COL8A2: variants seen among roughly 807,000 people sequenced by gnomAD.
COL8A2 encodes the protein collagen alpha-2(VIII) chain.
COL8A2 carries 16 observed loss-of-function variants against 24.0 expected under a neutral mutation model. The observed-to-expected ratio is 0.67, with a 90% confidence interval of 0.45 to 1.01. COL8A2 has a LOEUF of 1.01. Ranked by LOEUF, COL8A2 falls within the 50% of genes least tolerant of loss-of-function variation. The probability of loss-of-function intolerance (pLI) is 0.00; values close to 1 mark genes in which losing one functional copy is unlikely to be tolerated. For synonymous variants in COL8A2, 466 were observed against 424.5 expected, an observed-to-expected ratio of 1.10 and a Z score of -1.20; for missense variants, 818 against 942.4, an observed-to-expected ratio of 0.87 and a Z score of 1.73.
chr1:36,099,164 C>A lies in COL8A2; in HGVS notation c.517G>T (p.Gly173Ter). 6.7e-7 allele frequency: 1 copy of A among 1,497,648 alleles called. No individual in the cohort carries two copies. The highest frequency in any genetic ancestry group is 2.4e-5 in the East Asian group (1 of 41,586). The allele number at this position is 1,497,648 out of a possible 1,614,324, so 92.8% of individuals were successfully genotyped here. The part of the protein sequence containing the change: ...LPGPSGITIP[G>*]KPGAQGVPGP... ...GGCACCCCTTGGGCACCTGGTTTTC[C>A]AGGGATAGTAATGCCTGAGGGGCCC... The change falls in exon 4 of 4, where the codon GGA (glycine) becomes TGA (stop). Residue 173 changes from glycine to a stop codon, truncating the protein, a stop_gained. Coordinates refer to ENST00000397799, the MANE Select transcript of COL8A2 (RefSeq NM_005202.4). LOFTEE classifies it low-confidence loss of function (END_TRUNC).
chr1:36,121,724 A>AG (rs933831111), intron 1 of COL8A2, among the ~76,000 whole-genome samples: 2 of 151,362 alleles, frequency 1.3e-5, no homozygotes, highest in Admixed American at 6.6e-5. Flanking sequence ...AATTAAAAAA[A>AG]AAAGAAAGAA....
chr1:36,097,986 C>T lies in COL8A2; in HGVS notation c.1695G>A (p.Gly565=), dbSNP rs775106556. 6.2e-7 allele frequency: 1 copy of T among 1,604,904 alleles called. No homozygotes were observed. ...VLGKGGKPQF[G]LGELSAHATP... ...TGGCATGGGCAGACAGCTCGCCCAG[C>T]CCAAACTGTGGCTTGCCCCCCTTGC... The change falls in exon 4 of 4, where the codon GGG becomes GGA. Residue 565 remains glycine (G), a synonymous_variant. Transcript: ENST00000397799.
At chr1:36,120,104 A>G (rs768852552) in intron 1 of COL8A2, among the ~76,000 whole-genome samples, 19 of 152,042 alleles carry the variant, frequency 1.2e-4, no homozygotes, top group Non-Finnish European at 2.4e-4. Flanking sequence ...TCTGGGTCTG[A>G]CCTTCTCATG....
At position 36,115,374 on chromosome 1, in the gene COL8A2, A is replaced by G. The variant is rs985149248; in HGVS notation, c.-17+334T>C. 5.9e-5 allele frequency among the ~76,000 whole-genome samples: 9 copies of G among 152,236 alleles called. No individual in the cohort carries two copies. The highest frequency in any genetic ancestry group is 7.4e-5 in the Non-Finnish European group (5 of 67,994). Reference sequence around the variant, plus strand: ...GGCTACCCTGCGTGGTGGCGGCAGCAGCGGCAGCAGGAGGGGCTGGGCTGG... The same window carrying G: ...GGCTACCCTGCGTGGTGGCGGCAGCGGCGGCAGCAGGAGGGGCTGGGCTGG... On this transcript the variant is annotated intron_variant, in intron 2 of 3. Coordinates refer to ENST00000397799, the MANE Select transcript of COL8A2 (RefSeq NM_005202.4). This position sits in a 1 kb window ranked among gnomAD's most constrained non-coding sequence, Gnocchi z 5.7.
chr1:36,098,614 A>G lies in COL8A2; in HGVS notation c.1067T>C (p.Leu356Pro). The G allele has an allele frequency of 6.2e-7, 1 of 1,611,460 alleles. No individual in the cohort carries two copies. The highest frequency in any genetic ancestry group is 8.5e-7 in the Non-Finnish European group (1 of 1,179,418). ...CCCAGGAAGTCCAGGGGGACCCCCAAGACCCTGTGGGCCCTGCTCCCCTGG... is the reference window on the plus strand; with the variant it reads ...CCCAGGAAGTCCAGGGGGACCCCCAGGACCCTGTGGGCCCTGCTCCCCTGG... ...GEPGEQGPQG[L>P]GGPPGLPGSA... Residue 356 changes from leucine (L) to proline (P), a missense_variant, in exon 4 of 4, where the codon CTT (leucine) becomes CCT (proline). Leu to Pro is a moderately conservative substitution (Grantham distance 98). This residue lies in a region of COL8A2 where 573 missense variants were observed against 616.8 expected (regional missense o/e 0.93). Transcript: ENST00000397799.
chr1:36,097,503 G>T lies in COL8A2; in HGVS notation c.*66C>A. The T allele has an allele frequency of 7.7e-7, 1 of 1,298,270 alleles. No individual in the cohort carries two copies. Among genetic ancestry groups the T allele is most frequent in the African/African-American group, 1.5e-5 (1 of 67,320 alleles). 80.4% of individuals were successfully genotyped at this position (1,298,270 alleles called of 1,614,324 possible). On this transcript the variant is annotated 3_prime_UTR_variant, in exon 4 of 4. Coordinates refer to ENST00000397799, the MANE Select transcript of COL8A2 (RefSeq NM_005202.4). The stretch of plus-strand genomic sequence containing the variant: ...TGTTTTTTTTTCCAGGAGGTTCTTT[G>T]TAATTGAAAAGGTCGCTCTACCACT...
At position 36,098,630 on chromosome 1, in the gene COL8A2, G is replaced by T; in HGVS notation, c.1051C>A (p.Gln351Lys). 1 of 1,611,008 alleles carries T rather than the reference G, an allele frequency of 6.2e-7. No homozygotes were observed. Among genetic ancestry groups the T allele is most frequent in the East Asian group, 2.2e-5 (1 of 44,832 alleles). The change falls in exon 4 of 4, where the codon CAG (glutamine) becomes AAG (lysine). Residue 351 changes from glutamine (Q) to lysine (K), a missense_variant. Gln to Lys is a moderately conservative substitution (Grantham distance 53). Around this residue, in one of 3 missense-constraint regions of COL8A2, gnomAD observed 573 missense variants for 616.8 expected, o/e 0.93. Transcript: ENST00000397799. ...GGACCCCCAAGACCCTGTGGGCCCT[G>T]CTCCCCTGGCTCCCCATCCTCCCCT... is the stretch of plus-strand genomic sequence containing the variant. ...EPGEDGEPGE[Q>K]GPQGLGGPPG...
chr1:36,095,294 T>C lies in COL8A2; in HGVS notation c.*2275A>G, dbSNP rs1019540279. 2 of 152,206 alleles carry C rather than the reference T, an allele frequency of 1.3e-5. No homozygotes were observed. The highest frequency in any genetic ancestry group is 4.8e-5 in the African/African-American group (2 of 41,442). The allele number at this position is 152,206 out of a possible 1,614,324, so 9.4% of individuals were successfully genotyped here. ...TGTCAATACAGTTAACATGGTTGCT[T>C]GTCTTTTCAAAAAGAAGTTCCATTT... On this transcript the variant is annotated 3_prime_UTR_variant, in exon 4 of 4. Transcript: ENST00000397799.
Position 36,099,302 on chromosome 1 carries a change from G to T in COL8A2, c.379C>A (p.Pro127Thr), listed in dbSNP as rs1452307556. 13 of 1,570,748 alleles carry T rather than the reference G, an allele frequency of 8.3e-6. No homozygotes were observed. The South Asian group carries it at 1.3e-4, about 15-fold the overall frequency. The change falls in exon 4 of 4, where the codon CCC (proline) becomes ACC (threonine). Residue 127 changes from proline to threonine, a missense_variant. This residue lies in a region of COL8A2 where 573 missense variants were observed against 616.8 expected (regional missense o/e 0.93). Coordinates refer to ENST00000397799, the MANE Select transcript of COL8A2 (RefSeq NM_005202.4). ...CCGACCTTGCCAGGGAGCCCTGGGG[G>T]ACCAGCCTTGCCCATCCGGGAGAAG... ...PGFSRMGKAGPPGLPGKVGPP... is the reference protein window; with the variant it reads ...PGFSRMGKAGTPGLPGKVGPP...
intron 2 of COL8A2, among the ~76,000 whole-genome samples, chr1:36,113,880 A>G (rs923293953): frequency 1.3e-5 from 2 of 152,184 alleles, no homozygotes; most frequent in Non-Finnish European, 2.9e-5. Context: ...CAACAGGCCC[A>G]CGGGGGCAGG....
chr1:36,098,539 G>A lies in COL8A2; in HGVS notation c.1142C>T (p.Ala381Val). Residue 381 changes from alanine (A) to valine (V), a missense_variant, in exon 4 of 4, where the codon GCA (alanine) becomes GTA (valine). Ala to Val is a moderately conservative substitution (Grantham distance 64). This residue lies in a region of COL8A2 where 573 missense variants were observed against 616.8 expected (regional missense o/e 0.93). Coordinates refer to ENST00000397799, the MANE Select transcript of COL8A2 (RefSeq NM_005202.4). ...RRGPPGPKGE[A>V]GPGGPPGVPG... Reference sequence around the variant, plus strand: ...CACTCCTGGGGGTCCTCCAGGCCCTGCCTCACCCTTAGGCCCAGGGGGCCC... The same window carrying A: ...CACTCCTGGGGGTCCTCCAGGCCCTACCTCACCCTTAGGCCCAGGGGGCCC... 2 of 1,599,720 alleles carry A rather than the reference G, an allele frequency of 1.3e-6. No homozygotes were observed. Among genetic ancestry groups the A allele is most frequent in the Admixed American group, 1.7e-5 (1 of 58,424 alleles).
In COL8A2 at chr1:36,098,274, A is replaced by T; in HGVS notation, c.1407T>A (p.Gly469=). ...CTTGGGGCCCAATAGGGCCAGCTGG[A>T]CCCTGGAGTCCTGGGATTCCTGAGG... The part of the protein sequence containing the change: ...RGPSGIPGLQ[G]PAGPIGPQGL... The change falls in exon 4 of 4, where the codon GGT becomes GGA. Residue 469 remains glycine, a synonymous_variant. Transcript: ENST00000397799. The T allele has an allele frequency of 6.5e-7, 1 of 1,545,930 alleles. No individual in the cohort carries two copies. Among genetic ancestry groups the T allele is most frequent in the Non-Finnish European group, 8.7e-7 (1 of 1,145,634 alleles).
intron 2 of COL8A2, among the ~76,000 whole-genome samples, chr1:36,108,422 C>T (rs274761): frequency 0.9 from 136,587 of 152,256 alleles, 61,412 homozygotes; most frequent in East Asian, 1. Flanking sequence ...TCTGGTGACC[C>T]CTTGGGAAAT....
intron 2 of COL8A2, among the ~76,000 whole-genome samples, chr1:36,112,506 C>T (rs1643857339): frequency 6.6e-6 from 1 of 152,126 alleles, no homozygotes; most frequent in Non-Finnish European, 1.5e-5. Flanking sequence ...CCTGTGGACT[C>T]TGCCTGCTCT....
At chr1:36,112,838 G>A (rs1010648610) in intron 2 of COL8A2, among the ~76,000 whole-genome samples, 7 of 152,074 alleles carry the variant, frequency 4.6e-5, no homozygotes, top group African/African-American at 1.4e-4. Context: ...GTGGGATAGG[G>A]GCCAACATCT....
intron 2 of COL8A2, among the ~76,000 whole-genome samples, chr1:36,114,946 C>T (rs899760945): frequency 1.3e-5 from 2 of 152,298 alleles, no homozygotes; most frequent in Non-Finnish European, 2.9e-5. Flanking sequence ...CTAGGTTCTC[C>T]GCTGCTTCCC....
Position 36,115,111 on chromosome 1 carries a change from G to A in COL8A2, c.-17+597C>T, listed in dbSNP as rs1471005139. ...AGGCAGCTGGCCCTTCCCCACCCAG[G>A]GGCTCCGGCCTCAGCTGGGGCCGTC... On this transcript the variant is annotated intron_variant, in intron 2 of 3. Coordinates refer to ENST00000397799, the MANE Select transcript of COL8A2 (RefSeq NM_005202.4). This position sits in a 1 kb window ranked among gnomAD's most constrained non-coding sequence, Gnocchi z 5.7. Among the ~76,000 whole-genome samples, 2 of 152,116 alleles carry A rather than the reference G, an allele frequency of 1.3e-5. No individual in the cohort carries two copies. The highest frequency in any genetic ancestry group is 2.9e-5 in the Non-Finnish European group (2 of 68,004).
chr1:36,122,865 C>G (rs1020993045), intron 1 of COL8A2, among the ~76,000 whole-genome samples: 1 of 152,068 alleles, frequency 6.6e-6, no homozygotes, highest in Non-Finnish European at 1.5e-5. Flanking sequence ...TGAGTCCCTC[C>G]CACTCCCCAG....
chr1:36,123,419 C>T lies in COL8A2; in HGVS notation c.-62+1638G>A, dbSNP rs751319612. Among the ~76,000 whole-genome samples the T allele has an allele frequency of 2.6e-5, 4 of 152,244 alleles. No individual in the cohort carries two copies. Among genetic ancestry groups the T allele is most frequent in the Non-Finnish European group, 5.9e-5 (4 of 68,050 alleles). On this transcript the variant is annotated intron_variant, in intron 1 of 3. Coordinates refer to ENST00000397799, the MANE Select transcript of COL8A2 (RefSeq NM_005202.4). This position sits in a 1 kb window ranked among gnomAD's most constrained non-coding sequence, Gnocchi z 4.1. ...CTTAGTATCTTTCTCCTCCCTCTTG[C>T]TAACAGACACATTCACTTCCATATT...
Sources: allele counts gnomAD v4.1 joint callset (sites outside exome capture counted in the v4.1 genomes callset), GRCh38; gene constraint gnomAD v4.1.1; regional missense constraint gnomAD v4.1.1; non-coding constraint Gnocchi (gnomAD v3.1); transcripts MANE v1.5; gene names NCBI Gene and HGNC (gene_info 2026-07-23, HGNC 2026-07-21).